The following CAMK2B variants were observed in gnomAD, a reference collection of about 807,000 sequenced individuals.
CAMK2B encodes the protein calcium/calmodulin-dependent protein kinase type II subunit beta.
CAMK2B carries 27 observed loss-of-function variants against 93.7 expected under a neutral mutation model. The ratio of observed to expected loss-of-function variants is 0.29; its 90% CI spans 0.21 to 0.40. The LOEUF (loss-of-function observed/expected upper bound fraction) is 0.40, where lower values mean the gene tolerates loss of function less well. CAMK2B is among the 10% of genes least tolerant of loss of function. CAMK2B has a pLI of 1.00. For synonymous variants in CAMK2B, 374 were observed against 358.8 expected, an observed-to-expected ratio of 1.04 and a Z score of -0.48; for missense variants, 568 against 895.8, an observed-to-expected ratio of 0.63 and a Z score of 4.67.
At chr7:44,285,857 C>T (rs1303022073) in intron 1 of CAMK2B, among the ~76,000 whole-genome samples, 1 of 15,108 alleles carries the variant, frequency 6.6e-5, no homozygotes, top group Admixed American at 9.5e-4. Flanking sequence ...GGGGACACGG[C>T]GTGGGGGGCG....
At chr7:44,246,608 T>C (rs1048821362) in intron 6 of CAMK2B, among the ~76,000 whole-genome samples, 35 of 151,290 alleles carry the variant, frequency 2.3e-4, no homozygotes, top group Admixed American at 1.3e-4. Flanking sequence ...TATACACACA[T>C]GCACACAGGC....
chr7:44,261,811 T>G (rs1276125168), intron 3 of CAMK2B, among the ~76,000 whole-genome samples: 2 of 152,104 alleles, frequency 1.3e-5, no homozygotes, highest in African/African-American at 2.4e-5. Flanking sequence ...AATAACACTG[T>G]GGGCAGCATA....
intron 1 of CAMK2B, among the ~76,000 whole-genome samples, chr7:44,313,049 G>T (rs1456699666): frequency 1.3e-5 from 2 of 152,094 alleles, no homozygotes; most frequent in Non-Finnish European, 2.9e-5. Flanking sequence ...CTCGGGGCTG[G>T]TGCGCTTCCT....
intron 2 of CAMK2B, among the ~76,000 whole-genome samples, chr7:44,272,397 A>G (rs982083126): frequency 6.6e-6 from 1 of 152,124 alleles, no homozygotes; most frequent in Non-Finnish European, 1.5e-5. Context: ...TGATCCAGTC[A>G]GGCCTGGGCA....
chr7:44,295,512 T>C (rs1788048312), intron 1 of CAMK2B, among the ~76,000 whole-genome samples: 1 of 152,200 alleles, frequency 6.6e-6, no homozygotes, highest in Admixed American at 6.5e-5. Context: ...AAACCTAAAC[T>C]GTAATTGCCG....
chr7:44,239,563 C>A (rs1283461100), intron 13 of CAMK2B, 26 bp downstream of exon 13: 1 of 1,534,970 alleles, frequency 6.5e-7, no homozygotes, highest in Admixed American at 2.0e-5. Context: ...CGGGAGCGGG[C>A]GGGACGCTGG....
chr7:44,265,216 G>A (rs566459120), intron 2 of CAMK2B, among the ~76,000 whole-genome samples: 4 of 152,304 alleles, frequency 2.6e-5, no homozygotes, highest in South Asian at 2.1e-4. Context: ...CTTCTGACGC[G>A]TGTGTAACAC....
chr7:44,299,489 A>G (rs1349639658), intron 1 of CAMK2B, among the ~76,000 whole-genome samples: 1 of 152,252 alleles, frequency 6.6e-6, no homozygotes, highest in Non-Finnish European at 1.5e-5. Context: ...AATATACATA[A>G]TGTTACTGAA....
At position 44,239,533 on chromosome 7, in the gene CAMK2B, A is replaced by C. The variant is rs2096656625; in HGVS notation, c.1021+56T>G. The C allele has an allele frequency of 5.5e-6, 8 of 1,458,490 alleles. No individual in the cohort carries two copies. The South Asian group carries it at 8.5e-5, about 15-fold the overall frequency. 90.3% of individuals were successfully genotyped at this position (1,458,490 alleles called of 1,614,324 possible). A position where few individuals can be genotyped will look rare whatever the true frequency, so the allele number is the denominator to read the frequency against. ...GCGGCTGCGTGCAGCAGGGGGCTGC[A>C]TGCTGGCAGGAGGGACGGGCGGGAG... On this transcript the variant is annotated intron_variant, in intron 13 of 23. Coordinates refer to ENST00000395749, the MANE Select transcript of CAMK2B (RefSeq NM_001220.5).
intron 1 of CAMK2B, among the ~76,000 whole-genome samples, chr7:44,300,334 C>CTA (rs1251792399): frequency 6.6e-6 from 1 of 152,068 alleles, no homozygotes; most frequent in Non-Finnish European, 1.5e-5. Flanking sequence ...CCATGCCCAG[C>CTA]TATATATAGT....
intron 1 of CAMK2B, among the ~76,000 whole-genome samples, chr7:44,287,242 A>T (rs2129122431): frequency 6.9e-6 from 1 of 145,760 alleles, no homozygotes; most frequent in Non-Finnish European, 1.6e-5. Context: ...TCCCAATGTC[A>T]TCGCCGCCCC....
intron 3 of CAMK2B, 150 bp from the exon 4 acceptor site, chr7:44,259,076 G>A: frequency 1.4e-6 from 1 of 724,570 alleles, no homozygotes; most frequent in Non-Finnish European, 2.4e-6. Flanking sequence ...GGGCAGGCCA[G>A]AGGGCAGGGC....
rs771985344 is a variant in CAMK2B, at chr7:44,248,469, C to T, written c.342-1277G>A. On this transcript the variant is annotated intron_variant, in intron 5 of 23. Transcript: ENST00000395749. This position sits in a 1 kb window ranked among gnomAD's most constrained non-coding sequence, Gnocchi z 4.1. ...GCAGGGTGATAGCAGCCACCACCTC[C>T]GAGGCTGCCCTGCTGGGCCTGGAGG... Among the ~76,000 whole-genome samples, 2 of 152,194 alleles carry T rather than the reference C, an allele frequency of 1.3e-5. No homozygotes were observed. The highest frequency in any genetic ancestry group is 2.9e-5 in the Non-Finnish European group (2 of 68,024).
In CAMK2B at chr7:44,254,640, T is replaced by C. The variant is rs749942100; in HGVS notation, c.276-33A>G. 8 of 1,483,786 alleles carry C rather than the reference T, an allele frequency of 5.4e-6. No homozygotes were observed. In the African/African-American group the frequency reaches 7.0e-5, roughly 13 times the overall value. 91.9% of individuals were successfully genotyped at this position (1,483,786 alleles called of 1,614,324 possible). On this transcript the variant is annotated intron_variant, in intron 4 of 23. Transcript: ENST00000395749. ...AGAAGCATGAAGGGGTCACAGATTC[T>C]GGAGACCCCTGTCACACTGCACTGT...
At chr7:44,272,808 G>A (rs962079199) in intron 2 of CAMK2B, among the ~76,000 whole-genome samples, 1 of 152,206 alleles carries the variant, frequency 6.6e-6, no homozygotes, top group Non-Finnish European at 1.5e-5. Flanking sequence ...GGTCCACTTG[G>A]CCTTTCAGCT....
At chr7:44,253,636 C>T (rs2096801845) in intron 5 of CAMK2B, among the ~76,000 whole-genome samples, 1 of 152,184 alleles carries the variant, frequency 6.6e-6, no homozygotes, top group South Asian at 2.1e-4. Flanking sequence ...CTTGCTCTGT[C>T]ACCCAGGCTG....
chr7:44,291,641 G>A (rs1786863070), intron 1 of CAMK2B, among the ~76,000 whole-genome samples: 1 of 152,208 alleles, frequency 6.6e-6, no homozygotes, highest in Non-Finnish European at 1.5e-5. Flanking sequence ...CCCACATTTT[G>A]ACTGAGATCA....
At chr7:44,233,602 G>A (rs1252252092) in intron 15 of CAMK2B, among the ~76,000 whole-genome samples, 2 of 152,124 alleles carry the variant, frequency 1.3e-5, no homozygotes, top group Admixed American at 6.5e-5. Flanking sequence ...TAGGACAGCT[G>A]AGGGGACACA....
chr7:44,306,423 C>G (rs904176692), intron 1 of CAMK2B, among the ~76,000 whole-genome samples: 1 of 152,228 alleles, frequency 6.6e-6, no homozygotes, highest in Non-Finnish European at 1.5e-5. Flanking sequence ...AGGAGCTGTG[C>G]CCCAGAACAA....
Sources: gnomAD v4.1 joint callset for allele counts (sites outside exome capture counted in the v4.1 genomes callset) on GRCh38, gnomAD v4.1.1 for gene constraint, Gnocchi (gnomAD v3.1) non-coding constraint, MANE v1.5 for transcripts, NCBI Gene and HGNC (gene_info 2026-07-23, HGNC 2026-07-21) for gene names.